The following LRRTM4 variants were observed in gnomAD, a reference collection of about 807,000 sequenced individuals.
The protein encoded by LRRTM4 is leucine-rich repeat transmembrane neuronal protein 4.
LRRTM4 carries 25 observed loss-of-function variants against 47.6 expected under a neutral mutation model. That is an observed-to-expected ratio of 0.53 (90% CI 0.38 to 0.73). The LOEUF is 0.73. Ranked by LOEUF, LRRTM4 falls within the 30% of genes least tolerant of loss-of-function variation. The pLI is 0.00. For missense variants in LRRTM4, 638 were observed against 713.4 expected (o/e 0.89, Z 1.20); for synonymous variants, 311 against 269.5 (o/e 1.15, Z -1.51).
At chr2:77,406,899 T>C (rs1674213506) in intron 3 of LRRTM4, among the ~76,000 whole-genome samples, 1 of 152,166 alleles carries the variant, frequency 6.6e-6, no homozygotes, top group South Asian at 2.1e-4. Flanking sequence ...CTTTCCATCC[T>C]AGTGGGAAAT....
intron 3 of LRRTM4, among the ~76,000 whole-genome samples, chr2:77,158,084 T>C (rs1672609715): frequency 6.6e-6 from 1 of 152,132 alleles, no homozygotes. Flanking sequence ...GGAAATATTA[T>C]TGTAAATGTC....
intron 3 of LRRTM4, among the ~76,000 whole-genome samples, chr2:76,883,233 C>A (rs1343560846): frequency 1.3e-5 from 2 of 152,206 alleles, no homozygotes; most frequent in Non-Finnish European, 2.9e-5. Flanking sequence ...GACAAGCCAG[C>A]CTACTTGTAT....
At chr2:76,925,591 A>AT (rs1674565134) in intron 3 of LRRTM4, among the ~76,000 whole-genome samples, 1 of 152,144 alleles carries the variant, frequency 6.6e-6, no homozygotes, top group Non-Finnish European at 1.5e-5. Context: ...GCTTCAGGCC[A>AT]TTTTCAAGGT....
In LRRTM4 at chr2:76,923,473, C is replaced by T. The variant is rs186547526; in HGVS notation, c.1552-174557G>A. Among the ~76,000 whole-genome samples, 25 of 151,988 alleles carry T rather than the reference C, an allele frequency of 1.6e-4. No homozygotes were observed. In the East Asian group the frequency reaches 4.1e-3, roughly 25 times the overall value. ...GCAAAAAAAAGACAGGGTGTTAATA[C>T]GCTCATTGCTACTGGGTCCTTTTTC... On this transcript the variant is annotated intron_variant, in intron 3 of 3. Transcript: ENST00000409884.
chr2:76,876,996 G>C (rs991084298), intron 3 of LRRTM4, among the ~76,000 whole-genome samples: 1 of 152,048 alleles, frequency 6.6e-6, no homozygotes, highest in Non-Finnish European at 1.5e-5. Flanking sequence ...TTGCACACTA[G>C]AGAGTATACT....
chr2:76,748,155 A>AAACTT lies in LRRTM4; in HGVS notation c.*535_*539dup, dbSNP rs1217656736. 1 of 153,154 alleles carries AAACTT rather than the reference A, an allele frequency of 6.5e-6. No homozygotes were observed. Among genetic ancestry groups the AAACTT allele is most frequent in the African/African-American group, 2.4e-5 (1 of 41,396 alleles). The allele number at this position is 153,154 out of a possible 1,614,324, so 9.5% of individuals were successfully genotyped here. A position where few individuals can be genotyped will look rare whatever the true frequency, so the allele number is the denominator to read the frequency against. On this transcript the variant is annotated 3_prime_UTR_variant, in exon 4 of 4. Transcript: ENST00000409884. Reference sequence around the variant, plus strand: ...CTTTAATGCTCATGTTTTGTATTAGAAACTTGACCAGGAAAGAAAAAAATT... The same window carrying AAACTT: ...CTTTAATGCTCATGTTTTGTATTAGAAACTTAACTTGACCAGGAAAGAAAAAAATT...
At chr2:77,320,533 T>C (rs1677758634) in intron 3 of LRRTM4, among the ~76,000 whole-genome samples, 1 of 152,152 alleles carries the variant, frequency 6.6e-6, no homozygotes, top group African/African-American at 2.4e-5. Flanking sequence ...AGAAAGTCTG[T>C]CTCAAAAGGA....
chr2:77,174,130 A>AAT (rs1338325037), intron 3 of LRRTM4, among the ~76,000 whole-genome samples: 1 of 151,506 alleles, frequency 6.6e-6, no homozygotes, highest in Non-Finnish European at 1.5e-5. Flanking sequence ...CACCAAATGC[A>AAT]CCTCCCACTA....
chr2:77,437,343 C>G (rs2103919362), intron 3 of LRRTM4, among the ~76,000 whole-genome samples: 1 of 152,120 alleles, frequency 6.6e-6, no homozygotes, highest in Non-Finnish European at 1.5e-5. Context: ...TACAGAGATT[C>G]AACCCTCTAA....
chr2:77,082,069 C>T (rs1680551403), intron 3 of LRRTM4, among the ~76,000 whole-genome samples: 1 of 152,032 alleles, frequency 6.6e-6, no homozygotes, highest in South Asian at 2.1e-4. Context: ...TGTATTACTG[C>T]TTATTTAACT....
chr2:76,996,521 G>A (rs191308477), intron 3 of LRRTM4, among the ~76,000 whole-genome samples: 19 of 150,126 alleles, frequency 1.3e-4, no homozygotes, highest in African/African-American at 4.4e-4. Flanking sequence ...ATAAGATCAA[G>A]TAAAATTTTG....
intron 3 of LRRTM4, among the ~76,000 whole-genome samples, chr2:76,906,343 G>C (rs1261798724): frequency 6.6e-6 from 1 of 152,052 alleles, no homozygotes; most frequent in Admixed American, 6.6e-5. Context: ...GCTCCTGAAG[G>C]AAGCGCTAAA....
At chr2:77,306,895 A>ATTTTTTTTTTTTTTTTTTTTTTTTTTT (rs1491512359) in intron 3 of LRRTM4, among the ~76,000 whole-genome samples, 2 of 125,586 alleles carry the variant, frequency 1.6e-5, no homozygotes, top group East Asian at 2.8e-4. Flanking sequence ...CTGCTTTTCC[A>ATTTTTTTTTTTTTTTTTTTTTTTTTTT]TATTTTTTTT....
chr2:77,446,221 G>T (rs1316774643), intron 3 of LRRTM4, among the ~76,000 whole-genome samples: 1 of 151,786 alleles, frequency 6.6e-6, no homozygotes, highest in Non-Finnish European at 1.5e-5. Flanking sequence ...CTCCATCTTG[G>T]CACTACTGAT....
At chr2:77,093,739 A>T (rs1477266514) in intron 3 of LRRTM4, among the ~76,000 whole-genome samples, 1 of 152,028 alleles carries the variant, frequency 6.6e-6, no homozygotes, top group Non-Finnish European at 1.5e-5. Flanking sequence ...GATGGCCTGA[A>T]GTAACTGAAG....
At chr2:77,301,885 G>A (rs1468541515) in intron 3 of LRRTM4, among the ~76,000 whole-genome samples, 1 of 151,998 alleles carries the variant, frequency 6.6e-6, no homozygotes, top group East Asian at 1.9e-4. Flanking sequence ...ACCAGTAACA[G>A]AGAAGTTAAG....
intron 3 of LRRTM4, among the ~76,000 whole-genome samples, chr2:77,137,981 C>A (rs557957455): frequency 1.3e-5 from 2 of 152,082 alleles, no homozygotes; most frequent in Admixed American, 1.3e-4. Context: ...AAAGCAAGTC[C>A]TTAGAGAACT....
intron 3 of LRRTM4, among the ~76,000 whole-genome samples, chr2:76,848,373 C>G (rs933393245): frequency 8.6e-5 from 13 of 152,004 alleles, no homozygotes; most frequent in African/African-American, 2.9e-4. Context: ...TTGGCCTCTT[C>G]TTATTTTTTT....
chr2:77,131,241 T>C (rs1671796116), intron 3 of LRRTM4, among the ~76,000 whole-genome samples: 1 of 152,214 alleles, frequency 6.6e-6, no homozygotes, highest in Admixed American at 6.5e-5. Context: ...TTTATAGGCA[T>C]TTAATCATAA....
Sources: gnomAD v4.1 joint callset for allele counts (sites outside exome capture counted in the v4.1 genomes callset) on GRCh38, gnomAD v4.1.1 for gene constraint, MANE v1.5 for transcripts, NCBI Gene and HGNC (gene_info 2026-07-23, HGNC 2026-07-21) for gene names.